The following PGBD2 variants were observed in gnomAD, a reference collection of about 807,000 sequenced individuals.
The protein encoded by PGBD2 is piggyBac transposable element derived 2, also known as piggyBac transposable element-derived protein 2.
PGBD2 carries 6 observed loss-of-function variants against 8.1 expected under a neutral mutation model. The ratio of observed to expected loss-of-function variants is 0.74; its 90% CI spans 0.40 to 1.46. The LOEUF (loss-of-function observed/expected upper bound fraction) is 1.46. PGBD2 is among the 40% of genes most tolerant of loss of function. The pLI, the probability that PGBD2 is intolerant of heterozygous loss-of-function variation, is 0.02. For synonymous variants in PGBD2, 318 were observed against 272.2 expected, an observed-to-expected ratio of 1.17 and a Z score of -1.66; for missense variants, 802 against 739.0, an observed-to-expected ratio of 1.09 and a Z score of -0.99.
the PGBD2 span, among the ~76,000 whole-genome samples, chr1:248,876,655 G>A: frequency 6.6e-6 from 1 of 152,144 alleles, no homozygotes; most frequent in Non-Finnish European, 1.5e-5. Flanking sequence ...GTTGGGTCAT[G>A]GAGAAAAACT....
chr1:248,910,603 G>C (rs189004260), intron 1 of PGBD2, among the ~76,000 whole-genome samples: 204 of 152,338 alleles, frequency 1.3e-3, no homozygotes, highest in Non-Finnish European at 2.6e-3. Context: ...GGTGGGGAGA[G>C]ATTGAGGGAC....
chr1:248,909,294 G>T (rs760898038), intron 1 of PGBD2, among the ~76,000 whole-genome samples: 4 of 152,148 alleles, frequency 2.6e-5, no homozygotes, highest in African/African-American at 9.7e-5. Context: ...AGCTTCTTGC[G>T]TATGTATCCC....
chr1:248,874,382 A>G, the PGBD2 span, among the ~76,000 whole-genome samples: 33 of 152,332 alleles, frequency 2.2e-4, 2 homozygotes, highest in South Asian at 4.6e-3. Flanking sequence ...AGAGTCAGCT[A>G]TGACTTGACT....
At chr1:248,905,806 T>G (rs983469101), upstream of PGBD2, among the ~76,000 whole-genome samples, 8 of 152,326 alleles carry the variant, frequency 5.3e-5, 2 homozygotes, top group South Asian at 1.7e-3. Context: ...CAAGCCCTAG[T>G]TTGTACCACA....
chr1:248,927,805 G>T, the PGBD2 span, among the ~76,000 whole-genome samples: 5 of 152,086 alleles, frequency 3.3e-5, no homozygotes, highest in East Asian at 9.6e-4. Flanking sequence ...GAGAAAGGTA[G>T]AAAAAATACT....
chr1:248,890,137 T>G, the PGBD2 span, among the ~76,000 whole-genome samples: 4 of 151,896 alleles, frequency 2.6e-5, no homozygotes, highest in Non-Finnish European at 5.9e-5. Context: ...ATGTTGGTCA[T>G]GCTGGTCTCA....
chr1:248,917,690 A>G lies in PGBD2; in HGVS notation c.1106A>G (p.Lys369Arg). Reference protein sequence around the residue: ...LMSILRKKGVKATGTVREYRT... With the variant: ...LMSILRKKGVRATGTVREYRT... Reference sequence around the variant, plus strand: ...TCCATTTTGAGGAAAAAGGGGGTGAAAGCCACAGGAACTGTTCGTGAGTAC... The same window carrying G: ...TCCATTTTGAGGAAAAAGGGGGTGAGAGCCACAGGAACTGTTCGTGAGTAC... Residue 369 changes from lysine (K) to arginine (R), a missense_variant, in exon 3 of 3, where the codon AAA becomes AGA. Physicochemically the swap from Lys to Arg is conservative, Grantham distance 26. Transcript: ENST00000329291. 1 of 1,614,218 alleles carries G rather than the reference A, an allele frequency of 6.2e-7. No homozygotes were observed. The highest frequency in any genetic ancestry group is 8.5e-7 in the Non-Finnish European group (1 of 1,180,042).
upstream of PGBD2, among the ~76,000 whole-genome samples, chr1:248,901,413 C>A (rs1320442858): frequency 3.3e-5 from 5 of 152,036 alleles, no homozygotes; most frequent in South Asian, 6.2e-4. Flanking sequence ...ATGGAACAGA[C>A]TAGAGAACTC....
At chr1:248,909,939 G>A (rs952502019) in intron 1 of PGBD2, among the ~76,000 whole-genome samples, 1 of 152,236 alleles carries the variant, frequency 6.6e-6, no homozygotes, top group African/African-American at 2.4e-5. Flanking sequence ...GAGCTTGGTT[G>A]GCAAGTTCTT....
chr1:248,896,813 C>T, the PGBD2 span, among the ~76,000 whole-genome samples: 1 of 152,228 alleles, frequency 6.6e-6, no homozygotes, highest in Admixed American at 6.5e-5. Flanking sequence ...GGTGGGGCGA[C>T]AGCCCACCTG....
At chr1:248,908,452 G>A (rs532118103) in intron 1 of PGBD2, among the ~76,000 whole-genome samples, 16 of 152,028 alleles carry the variant, frequency 1.1e-4, no homozygotes, top group Non-Finnish European at 1.5e-4. Flanking sequence ...AGGCTTCCCC[G>A]ATCAGCTTTC....
chr1:248,919,785 G>T (rs1662246971), downstream of PGBD2: 1 of 166,750 alleles, frequency 6.0e-6, no homozygotes, highest in Non-Finnish European at 1.5e-5. Context: ...AGCCATTTCT[G>T]CCCGGATGAG....
the PGBD2 span, among the ~76,000 whole-genome samples, chr1:248,877,318 ACT>A: frequency 6.6e-6 from 1 of 151,574 alleles, no homozygotes; most frequent in South Asian, 2.1e-4. Flanking sequence ...TTTTCTAGAA[ACT>A]CTTTGCCTAA....
At chr1:248,904,314 T>C (rs1322817899), upstream of PGBD2, among the ~76,000 whole-genome samples, 1 of 152,166 alleles carries the variant, frequency 6.6e-6, no homozygotes, top group Non-Finnish European at 1.5e-5. Flanking sequence ...CATGCAGTTC[T>C]TCTGCCATTC....
At chr1:248,905,199 G>T (rs540935623), upstream of PGBD2, among the ~76,000 whole-genome samples, 1 of 152,158 alleles carries the variant, frequency 6.6e-6, no homozygotes, top group African/African-American at 2.4e-5. Context: ...TTTTTCTTCT[G>T]ATCCAGGGGT....
chr1:248,882,675 T>G, the PGBD2 span, among the ~76,000 whole-genome samples: 1 of 152,206 alleles, frequency 6.6e-6, no homozygotes, highest in Admixed American at 6.5e-5. Context: ...CCACAAGGGT[T>G]GCATTCCATT....
rs140647835 is a variant in PGBD2 at position 248,915,355 on chromosome 1, C to A, written c.18-1247C>A. Among the ~76,000 whole-genome samples the A allele has an allele frequency of 5.0e-3, 762 of 152,330 alleles. 5 individuals carry two copies. Among genetic ancestry groups the A allele is most frequent in the Middle Eastern group, 0.017 (5 of 294 alleles). ...ATACATTCTGTAGAAACTGTACTTT[C>A]AGTACCCATACTGTCACTCTGTTTT... On this transcript the variant is annotated intron_variant, in intron 2 of 2. Coordinates refer to ENST00000329291, the MANE Select transcript of PGBD2 (RefSeq NM_170725.3).
intron 2 of PGBD2, 66 bp from the exon 3 acceptor site, chr1:248,916,536 T>G: frequency 1.4e-6 from 2 of 1,426,714 alleles, no homozygotes; most frequent in Non-Finnish European, 1.9e-6. Context: ...AGCACCCTCC[T>G]CTTTTCTGCT....
downstream of PGBD2, among the ~76,000 whole-genome samples, chr1:248,922,389 A>G (rs1390110549): frequency 6.6e-6 from 1 of 152,176 alleles, no homozygotes; most frequent in Non-Finnish European, 1.5e-5. Context: ...ATATACAATC[A>G]TGTCATCTGC....
Sources: gnomAD v4.1 joint callset for allele counts (sites outside exome capture counted in the v4.1 genomes callset) on GRCh38, gnomAD v4.1.1 for gene constraint, MANE v1.5 for transcripts, NCBI Gene and HGNC (gene_info 2026-07-23, HGNC 2026-07-21) for gene names.